Variants in XYLB observed in about 807,000 individuals in gnomAD.
XYLB encodes xylulokinase.
Under a neutral mutation model 78.7 loss-of-function variants are expected in XYLB, and 62 were observed. The ratio of observed to expected loss-of-function variants is 0.79; its 90% CI spans 0.64 to 0.97. The LOEUF is 0.97. XYLB is among the 50% of genes least tolerant of loss of function. The pLI, the probability that XYLB is intolerant of heterozygous loss-of-function variation, is 0.00. For synonymous variants in XYLB, 245 were observed against 247.4 expected, an observed-to-expected ratio of 0.99 and a Z score of 0.09; for missense variants, 687 against 676.8, an observed-to-expected ratio of 1.02 and a Z score of -0.17.
At chr3:38,407,393 T>C (rs1708370594) in intron 18 of XYLB, among the ~76,000 whole-genome samples, 1 of 152,106 alleles carries the variant, frequency 6.6e-6, no homozygotes, top group Admixed American at 6.5e-5. Context: ...GCACTAAACA[T>C]GGAAAGGAAC....
intron 15 of XYLB, among the ~76,000 whole-genome samples, chr3:38,394,715 A>G (rs978046852): frequency 9.2e-5 from 14 of 152,198 alleles, no homozygotes; most frequent in African/African-American, 3.4e-4. Context: ...ATTTGGTTTC[A>G]GCATGGTTGG....
chr3:38,375,227 G>A lies in XYLB; in HGVS notation c.972G>A (p.Pro324=), dbSNP rs756628806. The change falls in exon 12 of 19, where the codon CCG becomes CCA. Residue 324 remains proline, a synonymous_variant. Transcript: ENST00000207870. ...PALEGHIFCN[P]VDSQHYMALL... ...TGGAAGGCCACATCTTCTGCAACCCGGTTGACTCCCAGCACTACATGGCAC... is the reference window on the plus strand; with the variant it reads ...TGGAAGGCCACATCTTCTGCAACCCAGTTGACTCCCAGCACTACATGGCAC... 9.9e-6 allele frequency: 16 copies of A among 1,614,068 alleles called. No homozygotes were observed. The highest frequency in any genetic ancestry group is 1.6e-4 in the Middle Eastern group (1 of 6,084).
At chr3:38,361,749 A>C (rs1705986134) in intron 3 of XYLB, among the ~76,000 whole-genome samples, 1 of 152,186 alleles carries the variant, frequency 6.6e-6, no homozygotes, top group African/African-American at 2.4e-5. Context: ...TAGCTCTGCC[A>C]GCCCCTGCTC....
At chr3:38,375,104 GCAAA>G in intron 11 of XYLB, 36 bp from the exon 12 acceptor site, 2 of 1,557,376 alleles carry the variant, frequency 1.3e-6, no homozygotes, top group Non-Finnish European at 8.8e-7. Context: ...GCGTGTGTGG[GCAAA>G]GCCCAAGGTG....
chr3:38,395,672 G>A (rs952078373), intron 16 of XYLB, 109 bp downstream of exon 16: 81 of 1,204,426 alleles, frequency 6.7e-5, no homozygotes, highest in Non-Finnish European at 9.0e-5. Flanking sequence ...CTGCAGGAAT[G>A]GGGAGCTCTT....
chr3:38,365,418 C>T, intron 5 of XYLB, 133 bp downstream of exon 5: 2 of 1,364,612 alleles, frequency 1.5e-6, no homozygotes, highest in Non-Finnish European at 2.0e-6. Context: ...CAACCTCAGG[C>T]TTTTGGGGAG....
At chr3:38,409,636 C>G (rs1261047962) in intron 18 of XYLB, among the ~76,000 whole-genome samples, 2 of 152,148 alleles carry the variant, frequency 1.3e-5, no homozygotes, top group Admixed American at 1.3e-4. Flanking sequence ...ATCTAGAAAA[C>G]CCCATTTTCT....
chr3:38,384,145 C>A (rs183672046), intron 15 of XYLB, among the ~76,000 whole-genome samples: 63 of 152,274 alleles, frequency 4.1e-4, no homozygotes, highest in South Asian at 1.5e-3. Context: ...TGGCTCACTA[C>A]AACCTCCGCC....
intron 1 of XYLB, 140 bp from the exon 2 acceptor site, chr3:38,348,410 G>A: frequency 1.5e-6 from 1 of 685,020 alleles, no homozygotes; most frequent in Non-Finnish European, 2.5e-6. Context: ...CGATTACGGT[G>A]AGGCAGCCCT....
chr3:38,370,108 C>T lies in XYLB; in HGVS notation c.699C>T (p.Cys233=). 1.2e-6 allele frequency: 2 copies of T among 1,614,192 alleles called. No homozygotes were observed. Among genetic ancestry groups the T allele is most frequent in the Non-Finnish European group, 8.5e-7 (1 of 1,180,036 alleles). ...AGGATAAAGTCTGGTCCCAGGCTTG[C>T]CTTGGTGCCTGTGCACCTCATTTAG... ...QIQDKVWSQA[C]LGACAPHLEE... Residue 233 remains cysteine (C), a synonymous_variant, in exon 9 of 19, where the codon TGC becomes TGT. Transcript: ENST00000207870.
intron 18 of XYLB, among the ~76,000 whole-genome samples, chr3:38,405,196 A>T (rs1362987935): frequency 6.6e-6 from 1 of 152,072 alleles, no homozygotes; most frequent in African/African-American, 2.4e-5. Flanking sequence ...TAAATATTTC[A>T]TTCTTAAAAA....
chr3:38,352,243 C>T (rs534888572), intron 2 of XYLB, among the ~76,000 whole-genome samples: 9 of 151,640 alleles, frequency 5.9e-5, no homozygotes, highest in South Asian at 4.2e-4. Flanking sequence ...CTGGCTCTGT[C>T]GCGCAGGCTG....
At position 38,403,217 on chromosome 3, in the gene XYLB, C is replaced by T. The variant is rs139842148; in HGVS notation, c.1533+2232C>T. 5.1e-3 allele frequency among the ~76,000 whole-genome samples: 773 copies of T among 151,442 alleles called. 5 individuals carry two copies. Among genetic ancestry groups the T allele is most frequent in the African/African-American group, 0.018 (729 of 41,298 alleles). ...GCTGAGGTGGGAGGATTACTTGAGC[C>T]CAGAAGGTGGAGGTTGCAGTAAGCC... On this transcript the variant is annotated intron_variant, in intron 18 of 18. Coordinates refer to ENST00000207870, the MANE Select transcript of XYLB (RefSeq NM_005108.4).
intron 9 of XYLB, among the ~76,000 whole-genome samples, chr3:38,371,978 C>T (rs933995474): frequency 6.6e-6 from 1 of 152,182 alleles, no homozygotes; most frequent in Admixed American, 6.5e-5. Context: ...CTTTGTTTGC[C>T]TTGTGCGAGA....
At chr3:38,364,405 T>C (rs1706136553) in intron 4 of XYLB, among the ~76,000 whole-genome samples, 1 of 151,992 alleles carries the variant, frequency 6.6e-6, no homozygotes, top group African/African-American at 2.4e-5. Context: ...TTCAGCTCTG[T>C]GCACGCTGCT....
intron 4 of XYLB, 49 bp downstream of exon 4, chr3:38,363,066 G>T: frequency 7.1e-7 from 1 of 1,410,022 alleles, no homozygotes; most frequent in African/African-American, 1.5e-5. Context: ...ACTGTCCTGG[G>T]CAATGGTGTG....
At chr3:38,441,756 G>C in the XYLB span, among the ~76,000 whole-genome samples, 1 of 152,130 alleles carries the variant, frequency 6.6e-6, no homozygotes, top group Non-Finnish European at 1.5e-5. Flanking sequence ...GGCCATTGCC[G>C]CAACTACCCA....
intron 3 of XYLB, among the ~76,000 whole-genome samples, chr3:38,362,682 G>A (rs1706037798): frequency 6.6e-6 from 1 of 152,190 alleles, no homozygotes; most frequent in East Asian, 1.9e-4. Context: ...AAATGGAGAA[G>A]TAAAATTTGA....
At position 38,365,209 on chromosome 3, in the gene XYLB, G is replaced by A. The variant is rs770505065; in HGVS notation, c.302G>A (p.Ser101Asn). 4.3e-6 allele frequency: 7 copies of A among 1,614,120 alleles called. No homozygotes were observed. Among genetic ancestry groups the A allele is most frequent in the African/African-American group, 1.3e-5 (1 of 74,946 alleles). ...ALSGAGQQHG[S>N]IYWKAGAQQA... ...TGGGTTTCCCAACAGCAACACGGAA[G>A]TATATACTGGAAGGCTGGAGCCCAG... The change falls in exon 5 of 19, where the codon AGT becomes AAT. Residue 101 changes from serine (S) to asparagine (N), a missense_variant. Physicochemically the swap from Ser to Asn is conservative, Grantham distance 46. Coordinates refer to ENST00000207870, the MANE Select transcript of XYLB (RefSeq NM_005108.4).
Sources: allele counts gnomAD v4.1 joint callset (sites outside exome capture counted in the v4.1 genomes callset), GRCh38; gene constraint gnomAD v4.1.1; transcripts MANE v1.5; gene names NCBI Gene and HGNC (gene_info 2026-07-23, HGNC 2026-07-21).